The following ERLIN1 variants were observed in gnomAD, a reference collection of about 807,000 sequenced individuals.
The protein encoded by ERLIN1 is ER lipid raft associated 1, also known as erlin-1.
In ERLIN1, 24 loss-of-function variants were observed where a neutral mutation model predicts 46.9. The observed-to-expected ratio is 0.51, with a 90% CI of 0.37 to 0.72. The LOEUF is 0.72. Among genes scored for constraint, ERLIN1 ranks in the 30% least tolerant of loss-of-function variants. The probability of loss-of-function intolerance (pLI) is 0.00; values close to 1 mark genes in which losing one functional copy is unlikely to be tolerated. For missense variants in ERLIN1, 293 were observed against 417.9 expected (o/e 0.70, Z 2.61); for synonymous variants, 158 against 143.2 (o/e 1.10, Z -0.74).
chr10:100,162,322 T>C (rs149030331), intron 8 of ERLIN1, among the ~76,000 whole-genome samples: 429 of 152,282 alleles, frequency 2.8e-3, no homozygotes, highest in Non-Finnish European at 4.4e-3. Context: ...GAAATTCAAA[T>C]TGAAATTATG....
chr10:100,160,368 T>C (rs1463333954), intron 8 of ERLIN1, among the ~76,000 whole-genome samples: 1 of 152,042 alleles, frequency 6.6e-6, no homozygotes, highest in Non-Finnish European at 1.5e-5. Context: ...TGATGTGATA[T>C]ACAATAGAAC....
At chr10:100,159,857 C>T (rs1299239484) in intron 8 of ERLIN1, among the ~76,000 whole-genome samples, 1 of 117,074 alleles carries the variant, frequency 8.5e-6, no homozygotes, top group Non-Finnish European at 1.9e-5. Context: ...TAAAAAAGAA[C>T]AAATGAACTA....
chr10:100,173,617 T>C (rs1589543847), intron 6 of ERLIN1, among the ~76,000 whole-genome samples: 3 of 152,140 alleles, frequency 2.0e-5, no homozygotes, highest in South Asian at 4.1e-4. Context: ...CCACTACCAC[T>C]AAATTCACCT....
intron 1 of ERLIN1, among the ~76,000 whole-genome samples, chr10:100,184,551 TATAAACAC>T (rs1844851359): frequency 6.6e-6 from 1 of 152,210 alleles, no homozygotes; most frequent in African/African-American, 2.4e-5. Context: ...GTCTTGAAAA[TATAAACAC>T]ATTTGCAAGG....
intron 8 of ERLIN1, among the ~76,000 whole-genome samples, chr10:100,160,134 T>A (rs1843285630): frequency 6.6e-6 from 1 of 152,014 alleles, no homozygotes; most frequent in Non-Finnish European, 1.5e-5. Flanking sequence ...ATTTGAAATA[T>A]CAGATGAAAT....
intron 10 of ERLIN1, among the ~76,000 whole-genome samples, chr10:100,152,600 G>T (rs985626534): frequency 6.6e-6 from 1 of 152,120 alleles, no homozygotes; most frequent in Non-Finnish European, 1.5e-5. Context: ...AAAGGATGGG[G>T]GAGTTGGAAA....
chr10:100,172,485 A>C (rs1844060109), intron 6 of ERLIN1, among the ~76,000 whole-genome samples: 1 of 152,244 alleles, frequency 6.6e-6, no homozygotes, highest in African/African-American at 2.4e-5. Context: ...AATCAGTAAG[A>C]AAGAAAACAA....
chr10:100,151,808 T>C lies in ERLIN1; in HGVS notation c.*323A>G, dbSNP rs1842813427. ...TAAACATTATTCAACAGATCTCAGC[T>C]TAGGAAAACACAGCTTGTTATATAT... On this transcript the variant is annotated 3_prime_UTR_variant, in exon 11 of 11. Transcript: ENST00000421367. 1 of 376,904 alleles carries C rather than the reference T, an allele frequency of 2.7e-6. No homozygotes were observed. The highest frequency in any genetic ancestry group is 5.1e-6 in the Non-Finnish European group (1 of 195,754). 23.3% of individuals were successfully genotyped at this position (376,904 alleles called of 1,614,324 possible).
At chr10:100,174,380 T>G in intron 5 of ERLIN1, 99 bp from the exon 6 acceptor site, 1 of 850,446 alleles carries the variant, frequency 1.2e-6, no homozygotes, top group African/African-American at 1.7e-5. Context: ...ACCTAAAGTT[T>G]CCACAGTACT....
intron 2 of ERLIN1, among the ~76,000 whole-genome samples, chr10:100,181,126 C>G (rs1844621045): frequency 6.6e-6 from 1 of 152,186 alleles, no homozygotes; most frequent in African/African-American, 2.4e-5. Context: ...ACTTTAAATA[C>G]ACGTTCCTAT....
At chr10:100,185,389 C>G in intron 1 of ERLIN1, 125 bp downstream of exon 1, 1 of 706,286 alleles carries the variant, frequency 1.4e-6, no homozygotes, top group South Asian at 1.8e-5. Context: ...CTTCGACCCC[C>G]GTGCTCTCCC....
chr10:100,159,861 T>C (rs1376055627), intron 8 of ERLIN1, among the ~76,000 whole-genome samples: 2 of 115,464 alleles, frequency 1.7e-5, no homozygotes, highest in African/African-American at 3.3e-5. Flanking sequence ...AAAGAACAAA[T>C]GAACTAAAAA....
chr10:100,172,595 C>G (rs1364703460), intron 6 of ERLIN1, among the ~76,000 whole-genome samples: 1 of 152,116 alleles, frequency 6.6e-6, no homozygotes, highest in East Asian at 1.9e-4. Flanking sequence ...TCATTAACAA[C>G]CAAAGGAATG....
At chr10:100,181,389 A>AT (rs1844633771) in intron 2 of ERLIN1, among the ~76,000 whole-genome samples, 1 of 152,196 alleles carries the variant, frequency 6.6e-6, no homozygotes, top group African/African-American at 2.4e-5. Context: ...ATGGAATTTC[A>AT]CATTTATATA....
Position 100,174,235 on chromosome 10 carries a change from G to A in ERLIN1, c.477C>T (p.Asn159=). 1.3e-6 allele frequency: 2 copies of A among 1,564,764 alleles called. No homozygotes were observed. The highest frequency in any genetic ancestry group is 1.7e-6 in the Non-Finnish European group (2 of 1,152,700). Residue 159 remains asparagine (N), a synonymous_variant, in exon 6 of 11, where the codon AAC becomes AAT. Transcript: ENST00000421367. ...NLKQALQKDL[N]LMAPGLTIQA... ...GTATAGTGAGACCTGGGGCCATGAGGTTTAAGTCTTTCTGCAGAGCTTGCT... is the reference window on the plus strand; with the variant it reads ...GTATAGTGAGACCTGGGGCCATGAGATTTAAGTCTTTCTGCAGAGCTTGCT...
At chr10:100,174,325 T>TG in intron 5 of ERLIN1, 44 bp from the exon 6 acceptor site, 1 of 1,369,722 alleles carries the variant, frequency 7.3e-7, no homozygotes, top group African/African-American at 1.4e-5. Context: ...ATAGTCAATT[T>TG]TTTTTACATT....
In ERLIN1 at chr10:100,164,065, A is replaced by G; in HGVS notation, c.594T>C (p.Ala198=). 1 of 1,613,328 alleles carries G rather than the reference A, an allele frequency of 6.2e-7. No individual in the cohort carries two copies. The highest frequency in any genetic ancestry group is 8.5e-7 in the Non-Finnish European group (1 of 1,179,578). The part of the protein sequence containing the change: ...MEAEKTKLLI[A]AQKQKVVEKE... ...TTTCCACAACCTTTTGTTTCTGTGC[A>G]GCTATAAGGAGTTTTGTCTTCTCAG... The change falls in exon 8 of 11, where the codon GCT becomes GCC. Residue 198 remains alanine (A), a synonymous_variant. Coordinates refer to ENST00000421367, the MANE Select transcript of ERLIN1 (RefSeq NM_006459.4).
At chr10:100,157,797 T>C (rs945445799) in intron 8 of ERLIN1, among the ~76,000 whole-genome samples, 3 of 152,214 alleles carry the variant, frequency 2.0e-5, no homozygotes, top group African/African-American at 4.8e-5. Context: ...TACCTCAACA[T>C]AGGGGGACTG....
In ERLIN1 at chr10:100,164,107, A is replaced by T. The variant is rs763661329; in HGVS notation, c.564-12T>A. 26 of 1,575,552 alleles carry T rather than the reference A, an allele frequency of 1.7e-5. No homozygotes were observed. In the Admixed American group the frequency reaches 3.2e-4, roughly 19 times the overall value. ...TCTTCTCAGCCTCCCTGTGAAGCAAAATGTTATAAAAATTAGAAATGATTC... is the reference window on the plus strand; with the variant it reads ...TCTTCTCAGCCTCCCTGTGAAGCAATATGTTATAAAAATTAGAAATGATTC... On this transcript the variant is annotated splice_polypyrimidine_tract_variant and intron_variant, in intron 7 of 10. Coordinates refer to ENST00000421367, the MANE Select transcript of ERLIN1 (RefSeq NM_006459.4).
Sources: allele counts gnomAD v4.1 joint callset (sites outside exome capture counted in the v4.1 genomes callset), GRCh38; gene constraint gnomAD v4.1.1; transcripts MANE v1.5; gene names NCBI Gene and HGNC (gene_info 2026-07-23, HGNC 2026-07-21).